LTBP1: variants seen among roughly 807,000 people sequenced by gnomAD.
LTBP1 encodes latent transforming growth factor beta binding protein 1, also known as latent-transforming growth factor beta-binding protein 1.
Under a neutral mutation model 207.6 loss-of-function variants are expected in LTBP1, and 129 were observed. The ratio of observed to expected loss-of-function variants is 0.62; its 90% CI spans 0.54 to 0.72. LTBP1 has a LOEUF of 0.72. Among genes scored for constraint, LTBP1 ranks in the 30% least tolerant of loss-of-function variants. The pLI is 0.00. For synonymous variants in LTBP1, 963 were observed against 833.7 expected, an observed-to-expected ratio of 1.16 and a Z score of -2.67; for missense variants, 2,281 against 2,217.2, an observed-to-expected ratio of 1.03 and a Z score of -0.58.
intron 2 of LTBP1, among the ~76,000 whole-genome samples, chr2:33,014,555 C>T (rs954916428): frequency 2.0e-5 from 3 of 152,210 alleles, no homozygotes; most frequent in African/African-American, 7.2e-5. Context: ...ATGCGGTAGA[C>T]ATGCTGCAAC....
chr2:33,073,427 A>G (rs1326163216), intron 3 of LTBP1, among the ~76,000 whole-genome samples: 15 of 152,134 alleles, frequency 9.9e-5, no homozygotes, highest in Admixed American at 9.8e-4. Context: ...TAAATAGGAA[A>G]TCACCCCTTT....
intron 24 of LTBP1, among the ~76,000 whole-genome samples, chr2:33,341,729 A>AAAAAATATATATATATATATAT (rs745445793): frequency 1.1e-5 from 1 of 93,622 alleles, no homozygotes; most frequent in African/African-American, 5.1e-5. Flanking sequence ...AAAAAAAAAA[A>AAAAAATATATATATATATATAT]ATATATATAT....
At chr2:33,056,855 C>T (rs190064010) in intron 3 of LTBP1, among the ~76,000 whole-genome samples, 1 of 151,994 alleles carries the variant, frequency 6.6e-6, no homozygotes, top group Non-Finnish European at 1.5e-5. Flanking sequence ...CTCAGGCAGC[C>T]TCCTTTTATT....
chr2:32,957,154 A>G (rs1373627131), intron 2 of LTBP1, among the ~76,000 whole-genome samples: 1 of 152,224 alleles, frequency 6.6e-6, no homozygotes, highest in Non-Finnish European at 1.5e-5. Context: ...ACTTAAAGTC[A>G]CCAGCTGTGT....
intron 2 of LTBP1, among the ~76,000 whole-genome samples, chr2:32,957,485 T>A (rs1471979134): frequency 3.3e-5 from 5 of 152,148 alleles, no homozygotes; most frequent in African/African-American, 1.2e-4. Context: ...GAACGGCTGG[T>A]CGGTGGAGCA....
intron 5 of LTBP1, among the ~76,000 whole-genome samples, chr2:33,179,155 A>G (rs2148641717): frequency 6.6e-6 from 1 of 152,288 alleles, no homozygotes; most frequent in South Asian, 2.1e-4. Context: ...ATGCGGCCCA[A>G]CACAAATTTG....
At chr2:33,258,098 CT>C (rs2092911864) in intron 12 of LTBP1, among the ~76,000 whole-genome samples, 1 of 152,188 alleles carries the variant, frequency 6.6e-6, no homozygotes, top group African/African-American at 2.4e-5. Context: ...CACGGAGCAC[CT>C]TTTCCCAAGG....
At position 32,955,010 on chromosome 2, in the gene LTBP1, C is replaced by T. The variant is rs545604943; in HGVS notation, c.565+6065C>T. On this transcript the variant is annotated intron_variant, in intron 2 of 33. Coordinates refer to ENST00000404816, the MANE Select transcript of LTBP1 (RefSeq NM_206943.4). ...GTGTTTCTTACACATGAATGTCCAG[C>T]GGGACCACTGGAAGGGTTTGTTAAA... 5.9e-5 allele frequency among the ~76,000 whole-genome samples: 9 copies of T among 152,232 alleles called. No homozygotes were observed. In the South Asian group the frequency reaches 8.3e-4, roughly 14 times the overall value.
intron 2 of LTBP1, among the ~76,000 whole-genome samples, chr2:32,984,378 T>A (rs1683218924): frequency 6.6e-6 from 1 of 152,226 alleles, no homozygotes; most frequent in African/African-American, 2.4e-5. Flanking sequence ...AACACATGGC[T>A]TTAAAGGGCC....
At chr2:33,020,563 C>A (rs529815124) in intron 2 of LTBP1, among the ~76,000 whole-genome samples, 1 of 152,216 alleles carries the variant, frequency 6.6e-6, no homozygotes, top group Non-Finnish European at 1.5e-5. Context: ...GGTTTCAAAT[C>A]CGAGCTCTTC....
intron 2 of LTBP1, among the ~76,000 whole-genome samples, chr2:32,996,557 ATAAGAGGAGACATCTACTATG>A: frequency 6.6e-6 from 1 of 152,266 alleles, no homozygotes; most frequent in Admixed American, 6.5e-5. Flanking sequence ...TGCAGTGGTG[ATAAGAGGAGACATCTACTATG>A]TACAAAGTAG....
At chr2:33,382,795 T>C (rs2095231078) in intron 31 of LTBP1, among the ~76,000 whole-genome samples, 1 of 152,188 alleles carries the variant, frequency 6.6e-6, no homozygotes, top group Non-Finnish European at 1.5e-5. Context: ...TCCAGGTGTT[T>C]GCAGTGTATC....
intron 3 of LTBP1, among the ~76,000 whole-genome samples, chr2:33,031,358 A>C (rs2075682505): frequency 6.6e-6 from 1 of 152,240 alleles, no homozygotes; most frequent in Non-Finnish European, 1.5e-5. Context: ...ATAGAATCTC[A>C]GTCCTCCTGG....
At chr2:32,980,937 C>G (rs1558469381) in intron 2 of LTBP1, among the ~76,000 whole-genome samples, 1 of 152,152 alleles carries the variant, frequency 6.6e-6, no homozygotes, top group Admixed American at 6.5e-5. Context: ...AGTGAAAAGC[C>G]TGCTGCCAGA....
chr2:33,119,747 G>A lies in LTBP1; in HGVS notation c.1033+8996G>A, dbSNP rs543067015. Among the ~76,000 whole-genome samples, 11 of 152,048 alleles carry A rather than the reference G, an allele frequency of 7.2e-5. No individual in the cohort carries two copies. In the South Asian group the frequency reaches 1.9e-3, roughly 26 times the overall value. ...TAATTTTTTTGTATTTTTAGTAGAG[G>A]CGGGGTTTCACCATATTAGCCAGGA... On this transcript the variant is annotated intron_variant, in intron 4 of 33. Coordinates refer to ENST00000404816, the MANE Select transcript of LTBP1 (RefSeq NM_206943.4).
At chr2:33,078,308 G>A (rs1030506232) in intron 3 of LTBP1, among the ~76,000 whole-genome samples, 1 of 152,132 alleles carries the variant, frequency 6.6e-6, no homozygotes, top group African/African-American at 2.4e-5. Context: ...TATTCTGGAG[G>A]GTGGAGTTGA....
At chr2:33,393,943 TC>T (rs2095338142) in intron 32 of LTBP1, among the ~76,000 whole-genome samples, 2 of 151,308 alleles carry the variant, frequency 1.3e-5, no homozygotes, top group African/African-American at 4.8e-5. Flanking sequence ...CCACATCCTC[TC>T]CAGCACCTGT....
chr2:33,320,806 G>T (rs1431388019), intron 24 of LTBP1, among the ~76,000 whole-genome samples: 2 of 152,202 alleles, frequency 1.3e-5, no homozygotes, highest in Non-Finnish European at 2.9e-5. Flanking sequence ...ACAACTGTAT[G>T]TACCAGTCTG....
chr2:33,167,462 C>CTGTT (rs1420287935), intron 5 of LTBP1, among the ~76,000 whole-genome samples: 10 of 151,944 alleles, frequency 6.6e-5, no homozygotes, highest in African/African-American at 2.2e-4. Flanking sequence ...GGTCCAAAAA[C>CTGTT]TGTTTCTTTC....
Sources: gnomAD v4.1 joint callset for allele counts (sites outside exome capture counted in the v4.1 genomes callset) on GRCh38, gnomAD v4.1.1 for gene constraint, MANE v1.5 for transcripts, NCBI Gene and HGNC (gene_info 2026-07-23, HGNC 2026-07-21) for gene names.